The following TBXAS1 variants were observed in gnomAD, a reference collection of about 807,000 sequenced individuals.
TBXAS1 encodes thromboxane A synthase 1, also known as thromboxane-A synthase.
A neutral mutation model predicts 60.7 loss-of-function variants in TBXAS1; 48 were observed. That is an observed-to-expected ratio of 0.79 (90% CI 0.63 to 1.01). TBXAS1 has a LOEUF of 1.01. TBXAS1 is among the 50% of genes least tolerant of loss of function. TBXAS1 has a pLI of 0.00. For synonymous variants in TBXAS1, 287 were observed against 269.7 expected, an observed-to-expected ratio of 1.06 and a Z score of -0.63; for missense variants, 685 against 686.3, an observed-to-expected ratio of 1.00 and a Z score of 0.02.
rs550390696 is a variant in TBXAS1 at position 139,990,941 on chromosome 7, G to T, written c.1135-16150G>T. ...GCCTCCCGACGGTGCAGGCACGGGG[G>T]CACAGAGGCAGCAGGACATTGCAGG... On this transcript the variant is annotated intron_variant, in intron 9 of 12. Transcript: ENST00000448866. Among the ~76,000 whole-genome samples, 48 of 152,254 alleles carry T rather than the reference G, an allele frequency of 3.2e-4. 1 individual carries two copies. The South Asian group carries it at 9.5e-3, about 30-fold the overall frequency.
At chr7:139,875,795 A>G in intron 3 of TBXAS1, 158 bp downstream of exon 3, 2 of 940,422 alleles carry the variant, frequency 2.1e-6, no homozygotes, top group Non-Finnish European at 3.3e-6. Flanking sequence ...GGAGTCCTGC[A>G]GTACAGACAA....
intron 10 of TBXAS1, 76 bp from the exon 11 acceptor site, chr7:140,015,647 C>T (rs1233039443): frequency 1.9e-6 from 3 of 1,554,396 alleles, no homozygotes; most frequent in Non-Finnish European, 2.6e-6. Context: ...CACTCAGACT[C>T]TGCCTGCCCA....
At chr7:140,017,992 G>A (rs1400533902) in intron 12 of TBXAS1, among the ~76,000 whole-genome samples, 159 bp downstream of exon 12, 3 of 152,186 alleles carry the variant, frequency 2.0e-5, no homozygotes, top group East Asian at 3.9e-4. Flanking sequence ...TTCTTGATTC[G>A]TAAAGTGGGG....
intron 9 of TBXAS1, among the ~76,000 whole-genome samples, chr7:139,967,124 T>C (rs1197443523): frequency 8.5e-5 from 13 of 152,232 alleles, no homozygotes; most frequent in Non-Finnish European, 1.2e-4. Flanking sequence ...TTGAGCAGGA[T>C]ACCAGCTAGA....
chr7:139,901,022 G>GCATGGAATGCGAGGGTGGTTCCT (rs1804523661), intron 3 of TBXAS1, among the ~76,000 whole-genome samples: 1 of 152,170 alleles, frequency 6.6e-6, no homozygotes, highest in African/African-American at 2.4e-5. Context: ...CTTCAGAACT[G>GCATGGAATGCGAGGGTGGTTCCT]CATGGAATGC....
intron 9 of TBXAS1, among the ~76,000 whole-genome samples, chr7:139,963,703 G>A (rs538577532): frequency 6.6e-6 from 1 of 152,298 alleles, no homozygotes; most frequent in East Asian, 1.9e-4. Flanking sequence ...TTTAGTTGCA[G>A]ATAACAGAAC....
At chr7:139,834,376 C>T (rs1303296383) in intron 1 of TBXAS1, among the ~76,000 whole-genome samples, 17 of 152,000 alleles carry the variant, frequency 1.1e-4, no homozygotes, top group East Asian at 1.9e-4. Context: ...AGAGCACAAA[C>T]GGACAATCTA....
intron 3 of TBXAS1, among the ~76,000 whole-genome samples, chr7:139,886,995 C>T (rs1357331096): frequency 6.6e-6 from 1 of 152,178 alleles, no homozygotes; most frequent in Non-Finnish European, 1.5e-5. Context: ...CTGGAATGGA[C>T]ACTTAGCATC....
At chr7:139,951,835 GAAAGAAA>G (rs1809324300) in intron 5 of TBXAS1, among the ~76,000 whole-genome samples, 1 of 11,030 alleles carries the variant, frequency 9.1e-5, no homozygotes, top group South Asian at 2.3e-3. Context: ...AAAGAGGAAA[GAAAGAAA>G]GAAGGAAGGA....
intron 4 of TBXAS1, among the ~76,000 whole-genome samples, chr7:139,925,782 G>A (rs759907194): frequency 1.4e-4 from 22 of 152,142 alleles, no homozygotes; most frequent in Admixed American, 9.2e-4. Context: ...CTGTGGGTCT[G>A]TTGTAAATGG....
chr7:139,837,449 G>A (rs1799140442), intron 1 of TBXAS1, among the ~76,000 whole-genome samples: 1 of 152,158 alleles, frequency 6.6e-6, no homozygotes, highest in Non-Finnish European at 1.5e-5. Flanking sequence ...AAGAAACTGT[G>A]GTATATGTAT....
At chr7:139,938,883 G>C (rs951103339) in intron 5 of TBXAS1, among the ~76,000 whole-genome samples, 1 of 152,170 alleles carries the variant, frequency 6.6e-6, no homozygotes, top group African/African-American at 2.4e-5. Context: ...CTTTGATAAG[G>C]AATTTTATCA....
rs551486987 is a variant in TBXAS1 at position 139,887,343 on chromosome 7, C to T, written c.236+11706C>T. ...GTTGCATTAAGTACCTTCACATTGT[C>T]GTGCAGCTATCATCATCGTTCACAT... On this transcript the variant is annotated intron_variant, in intron 3 of 12. Transcript: ENST00000448866. 5.0e-4 allele frequency among the ~76,000 whole-genome samples: 76 copies of T among 152,272 alleles called. No individual in the cohort carries two copies. The South Asian group carries it at 0.015, about 31-fold the overall frequency.
In TBXAS1 at chr7:139,999,915, G is replaced by T. The variant is rs1354112820; in HGVS notation, c.1135-7176G>T. ...AAATGATAATTTTTCTATTAGGTCC[G>T]TGAATCTCCAGGAAAAATCTTTGTG... On this transcript the variant is annotated intron_variant, in intron 9 of 12. Transcript: ENST00000448866. This position sits in a 1 kb window ranked among gnomAD's most constrained non-coding sequence, Gnocchi z 4.3. Among the ~76,000 whole-genome samples, 4 of 152,098 alleles carry T rather than the reference G, an allele frequency of 2.6e-5. No individual in the cohort carries two copies. Among genetic ancestry groups the T allele is most frequent in the African/African-American group, 9.7e-5 (4 of 41,408 alleles).
Position 139,911,207 on chromosome 7 carries a change from A to G in TBXAS1, c.237-18A>G. The G allele has an allele frequency of 6.2e-7, 1 of 1,611,336 alleles. No homozygotes were observed. Among genetic ancestry groups the G allele is most frequent in the Non-Finnish European group, 8.5e-7 (1 of 1,177,554 alleles). On this transcript the variant is annotated intron_variant, in intron 3 of 12. Coordinates refer to ENST00000448866, the MANE Select transcript of TBXAS1 (RefSeq NM_001061.7). ...TGGGTAATGCAACACATTTTAATGC[A>G]TTTTTTATTCCTCCCAGGTACTATC... is the stretch of plus-strand genomic sequence containing the variant.
chr7:139,960,715 C>T (rs1478341649), intron 8 of TBXAS1, among the ~76,000 whole-genome samples: 1 of 149,712 alleles, frequency 6.7e-6, no homozygotes, highest in East Asian at 2.0e-4. Flanking sequence ...CATTGTACTC[C>T]AGCCTGGGTG....
At chr7:140,018,196 G>A (rs910973126) in intron 12 of TBXAS1, among the ~76,000 whole-genome samples, 4 of 152,168 alleles carry the variant, frequency 2.6e-5, no homozygotes, top group African/African-American at 7.2e-5. Context: ...CACAGACAAT[G>A]GCATTTGCAG....
At chr7:139,958,206 T>C (rs554497775) in intron 8 of TBXAS1, among the ~76,000 whole-genome samples, 6 of 152,296 alleles carry the variant, frequency 3.9e-5, no homozygotes, top group East Asian at 3.9e-4. Flanking sequence ...GTTCGGCAAC[T>C]GTCAGTCACT....
At chr7:140,005,585 TA>T (rs1814014459) in intron 9 of TBXAS1, among the ~76,000 whole-genome samples, 1 of 152,164 alleles carries the variant, frequency 6.6e-6, no homozygotes, top group South Asian at 2.1e-4. Context: ...GGTTGGGTGA[TA>T]ACCTTCTAAA....
Sources: allele counts gnomAD v4.1 joint callset (sites outside exome capture counted in the v4.1 genomes callset), GRCh38; gene constraint gnomAD v4.1.1; non-coding constraint Gnocchi (gnomAD v3.1); transcripts MANE v1.5; gene names NCBI Gene and HGNC (gene_info 2026-07-23, HGNC 2026-07-21).